DISC1: variants seen among roughly 807,000 people sequenced by gnomAD.
DISC1 encodes the protein DISC1 scaffold protein, also known as disrupted in schizophrenia 1 protein.
DISC1 carries 57 observed loss-of-function variants against 84.5 expected under a neutral mutation model. The observed-to-expected ratio is 0.67, with a 90% CI of 0.55 to 0.84. The LOEUF (loss-of-function observed/expected upper bound fraction) is 0.84. Ranked by LOEUF, DISC1 falls within the 40% of genes least tolerant of loss-of-function variation. The pLI, the probability that DISC1 is intolerant of heterozygous loss-of-function variation, is 0.00. For synonymous variants in DISC1, 411 were observed against 415.2 expected (o/e 0.99, Z 0.12); for missense variants, 1,000 against 1,057.8 (o/e 0.95, Z 0.76).
At chr1:231,735,783 C>T (rs2072402718) in intron 3 of DISC1, among the ~76,000 whole-genome samples, 2 of 152,122 alleles carry the variant, frequency 1.3e-5, no homozygotes, top group African/African-American at 4.8e-5. Context: ...TATCTTATTC[C>T]TCATCCAAAC....
At chr1:231,783,976 G>A (rs913093243) in intron 6 of DISC1, among the ~76,000 whole-genome samples, 2 of 152,088 alleles carry the variant, frequency 1.3e-5, no homozygotes, top group African/African-American at 2.4e-5. Context: ...TATAAAATGT[G>A]ACATCGGCCG....
intron 10 of DISC1, among the ~76,000 whole-genome samples, chr1:231,971,716 A>AT (rs965976039): frequency 6.6e-5 from 10 of 150,940 alleles, no homozygotes; most frequent in Non-Finnish European, 1.3e-4. Context: ...GGCGGAAAAC[A>AT]TTTTTTTTTC....
chr1:231,913,367 T>TGAAGACC (rs1040846057), intron 9 of DISC1, among the ~76,000 whole-genome samples: 1 of 152,214 alleles, frequency 6.6e-6, no homozygotes, highest in Non-Finnish European at 1.5e-5. Context: ...CTTTCAGCCA[T>TGAAGACC]GAAGACCTCA....
chr1:231,867,548 A>G (rs1412965532), intron 9 of DISC1, among the ~76,000 whole-genome samples: 1 of 152,076 alleles, frequency 6.6e-6, no homozygotes, highest in African/African-American at 2.4e-5. Flanking sequence ...GATGCTCTTA[A>G]TTAATTAGGC....
At chr1:231,639,866 G>T (rs1288092214) in intron 1 of DISC1, among the ~76,000 whole-genome samples, 3 of 152,206 alleles carry the variant, frequency 2.0e-5, no homozygotes, top group Non-Finnish European at 4.4e-5. Flanking sequence ...GTGATCTGTG[G>T]CTCCCTCCTG....
intron 9 of DISC1, among the ~76,000 whole-genome samples, chr1:231,896,811 C>A (rs1245310981): frequency 6.6e-6 from 1 of 152,160 alleles, no homozygotes; most frequent in African/African-American, 2.4e-5. Context: ...AATATTATAC[C>A]TGTGAAATAC....
At chr1:231,937,222 A>G (rs900479436) in intron 9 of DISC1, among the ~76,000 whole-genome samples, 20 of 152,246 alleles carry the variant, frequency 1.3e-4, no homozygotes, top group African/African-American at 4.1e-4. Flanking sequence ...GTTAGAAGAA[A>G]TGGTTTCTCT....
chr1:231,670,690 A>G (rs1409584834), intron 1 of DISC1: 1 of 152,220 alleles, frequency 6.6e-6, no homozygotes, highest in Non-Finnish European at 1.5e-5. Flanking sequence ...AAAGATTCCC[A>G]TGAAGAGGAA....
At position 231,959,994 on chromosome 1, in the gene DISC1, C is replaced by T. The variant is rs1660157382; in HGVS notation, c.2042+1106C>T. On this transcript the variant is annotated intron_variant, in intron 10 of 12. Coordinates refer to ENST00000439617, the MANE Select transcript of DISC1 (RefSeq NM_018662.3). ...CCGTAAGTTACATTAGGTTATCAGGCAGCCAGTGGTAGCCATAAGCACGTG... is the reference window on the plus strand; with the variant it reads ...CCGTAAGTTACATTAGGTTATCAGGTAGCCAGTGGTAGCCATAAGCACGTG... Among the ~76,000 whole-genome samples, 3 of 152,166 alleles carry T rather than the reference C, an allele frequency of 2.0e-5. No individual in the cohort carries two copies. In the South Asian group the frequency reaches 6.2e-4, roughly 32 times the overall value.
intron 3 of DISC1, among the ~76,000 whole-genome samples, chr1:231,733,859 G>A (rs1287568386): frequency 1.3e-5 from 2 of 151,134 alleles, no homozygotes; most frequent in Non-Finnish European, 3.0e-5. Context: ...GTGATGGTAG[G>A]GGTGGTGGTG....
chr1:231,856,815 G>A (rs1334045040), intron 9 of DISC1, among the ~76,000 whole-genome samples: 4 of 152,192 alleles, frequency 2.6e-5, no homozygotes, highest in Admixed American at 1.3e-4. Context: ...CCAGAAAGGA[G>A]TGCCCCAAAC....
At position 232,036,830 on chromosome 1, in the gene DISC1, G is replaced by A. The variant is rs1670560026; in HGVS notation, c.2564G>A (p.Ter855=). Residue 855 remains the stop codon, a stop_retained_variant, in exon 13 of 13, where the codon TGA becomes TAA. Coordinates refer to ENST00000439617, the MANE Select transcript of DISC1 (RefSeq NM_018662.3). ...MTAGVHEAQA[*] Reference sequence around the variant, plus strand: ...GCTGGTGTCCACGAAGCACAAGCCTGAGGAGTGACGGGATGGGGGAGGGAG... The same window carrying A: ...GCTGGTGTCCACGAAGCACAAGCCTAAGGAGTGACGGGATGGGGGAGGGAG... 22 of 1,557,190 alleles carry A rather than the reference G, an allele frequency of 1.4e-5. No individual in the cohort carries two copies. The highest frequency in any genetic ancestry group is 1.9e-5 in the Non-Finnish European group (22 of 1,140,960).
chr1:231,992,717 T>C (rs1665384079), intron 10 of DISC1, among the ~76,000 whole-genome samples: 1 of 152,204 alleles, frequency 6.6e-6, no homozygotes. Context: ...AGCGAATCCA[T>C]TGGGATCACT....
At chr1:232,015,552 T>G (rs1250562821) in intron 11 of DISC1, among the ~76,000 whole-genome samples, 1 of 152,106 alleles carries the variant, frequency 6.6e-6, no homozygotes, top group Non-Finnish European at 1.5e-5. Context: ...TGCCCCCTCA[T>G]CACAGCTACA....
chr1:231,825,084 C>G (rs866002522), intron 9 of DISC1, among the ~76,000 whole-genome samples: 18 of 152,124 alleles, frequency 1.2e-4, no homozygotes, highest in African/African-American at 4.3e-4. Flanking sequence ...ATACTTTGTT[C>G]ATTTATTTTC....
chr1:231,738,930 T>G (rs2072886361), intron 3 of DISC1, among the ~76,000 whole-genome samples: 1 of 152,176 alleles, frequency 6.6e-6, no homozygotes, highest in Non-Finnish European at 1.5e-5. Context: ...TACTTCTTAA[T>G]TTTTTTGTAC....
At chr1:231,808,783 C>A (rs952401106) in intron 8 of DISC1, among the ~76,000 whole-genome samples, 1 of 152,224 alleles carries the variant, frequency 6.6e-6, no homozygotes, top group African/African-American at 2.4e-5. Flanking sequence ...CGCTGGGAGC[C>A]AAACCTTGTG....
chr1:231,668,370 G>C (rs1572679487), intron 1 of DISC1, among the ~76,000 whole-genome samples: 1 of 152,170 alleles, frequency 6.6e-6, no homozygotes, highest in Non-Finnish European at 1.5e-5. Context: ...GTGTTTTCCT[G>C]TTGAACTCCT....
chr1:231,720,770 G>A, intron 3 of DISC1: 1 of 1,100,814 alleles, frequency 9.1e-7, no homozygotes. Flanking sequence ...TCTTAAGTTT[G>A]TTCCTTCTCC....
Sources: allele counts gnomAD v4.1 joint callset (sites outside exome capture counted in the v4.1 genomes callset), GRCh38; gene constraint gnomAD v4.1.1; transcripts MANE v1.5; gene names NCBI Gene and HGNC (gene_info 2026-07-23, HGNC 2026-07-21).